Variants in DEDD observed in about 807,000 individuals in gnomAD.
DEDD encodes the protein death effector domain-containing protein.
DEDD carries 3 observed loss-of-function variants against 29.2 expected under a neutral mutation model. The ratio of observed to expected loss-of-function variants is 0.10; its 90% CI spans 0.05 to 0.27. DEDD has a LOEUF of 0.27. Among genes scored for constraint, DEDD ranks in the 10% least tolerant of loss-of-function variants. The probability of loss-of-function intolerance (pLI) is 1.00; values close to 1 mark genes in which losing one functional copy is unlikely to be tolerated. For missense variants in DEDD, 261 were observed against 420.5 expected (o/e 0.62, Z 3.32); for synonymous variants, 152 against 161.3 (o/e 0.94, Z 0.44).
chr1:161,126,968 A>G (rs1656244771), intron 2 of DEDD, among the ~76,000 whole-genome samples: 2 of 152,276 alleles, frequency 1.3e-5, no homozygotes, highest in South Asian at 4.1e-4. Context: ...CTGTGCGCTT[A>G]TGGAACACTA....
intron 2 of DEDD, among the ~76,000 whole-genome samples, chr1:161,130,208 A>T (rs1656552316): frequency 6.6e-6 from 1 of 152,238 alleles, no homozygotes; most frequent in Non-Finnish European, 1.5e-5. Context: ...GAATTAAGAG[A>T]TATCTGACTC....
At chr1:161,130,209 T>G (rs776743420) in intron 2 of DEDD, among the ~76,000 whole-genome samples, 7 of 152,196 alleles carry the variant, frequency 4.6e-5, no homozygotes, top group African/African-American at 1.2e-4. Flanking sequence ...AATTAAGAGA[T>G]ATCTGACTCT....
intron 1 of DEDD, among the ~76,000 whole-genome samples, chr1:161,131,369 T>C (rs1162845563): frequency 6.6e-6 from 1 of 152,088 alleles, no homozygotes; most frequent in Non-Finnish European, 1.5e-5. Context: ...CAGGGAAAAG[T>C]TTTTCTACAT....
In DEDD at chr1:161,126,343, C is replaced by CTT. The variant is rs538174697; in HGVS notation, c.-64-1819_-64-1818dup. Among the ~76,000 whole-genome samples, 491 of 132,494 alleles carry CTT rather than the reference C, an allele frequency of 3.7e-3. 8 individuals carry two copies. Among genetic ancestry groups the CTT allele is most frequent in the African/African-American group, 0.012 (406 of 35,082 alleles). The allele number at this position is 132,494 out of a possible 152,430, so 86.9% of individuals were successfully genotyped here. A position where few individuals can be genotyped will look rare whatever the true frequency, so the allele number is the denominator to read the frequency against. On this transcript the variant is annotated intron_variant, in intron 2 of 5. Transcript: ENST00000368006. Reference sequence around the variant, plus strand: ...GTTATCTATAAGAACACTCCAAACTCTTTTTTTTTTTTTTTTTTTTGAGAC... The same window carrying CTT: ...GTTATCTATAAGAACACTCCAAACTCTTTTTTTTTTTTTTTTTTTTTTGAGAC...
intron 2 of DEDD, 126 bp from the exon 3 acceptor site, chr1:161,124,652 T>C: frequency 8.0e-7 from 1 of 1,254,806 alleles, no homozygotes; most frequent in Non-Finnish European, 1.0e-6. Context: ...TATTAAATTT[T>C]TGAAGTGTTT....
chr1:161,122,636 G>C lies in DEDD; in HGVS notation c.581-113C>G. On this transcript the variant is annotated intron_variant, in intron 5 of 5. Transcript: ENST00000368006. The surrounding 1 kb of genome is among the most constrained non-coding windows in gnomAD (Gnocchi z 4.2). ...AATAAAAAAGTAGGGAATATCACCTGACAGCTTCTCTACCTCTTCCCCAGG... is the reference window on the plus strand; with the variant it reads ...AATAAAAAAGTAGGGAATATCACCTCACAGCTTCTCTACCTCTTCCCCAGG... 1.5e-6 allele frequency: 2 copies of C among 1,329,256 alleles called. No homozygotes were observed. The highest frequency in any genetic ancestry group is 2.0e-6 in the Non-Finnish European group (2 of 977,190). The allele number at this position is 1,329,256 out of a possible 1,614,324, so 82.3% of individuals were successfully genotyped here.
chr1:161,127,432 G>A (rs1656289344), intron 2 of DEDD, among the ~76,000 whole-genome samples: 1 of 152,216 alleles, frequency 6.6e-6, no homozygotes, highest in African/African-American at 2.4e-5. Flanking sequence ...AAACAAAGCT[G>A]ATAGAGAAAG....
Position 161,124,294 on chromosome 1 carries a change from CGTG to C in DEDD, c.166_168del (p.His56del). On this transcript the variant is annotated inframe_deletion, in exon 3 of 6. Coordinates refer to ENST00000368006, the MANE Select transcript of DEDD (RefSeq NM_032998.3). ...CGTCCATTTCGGATGAGTCCACGCT[CGTG>C]GTCATCAATGACATCAACAAAGAGG... The C allele has an allele frequency of 6.2e-7, 1 of 1,614,214 alleles. No individual in the cohort carries two copies. The highest frequency in any genetic ancestry group is 8.5e-7 in the Non-Finnish European group (1 of 1,180,038).
chr1:161,131,811 T>G (rs1039091472), intron 1 of DEDD, among the ~76,000 whole-genome samples: 3 of 152,028 alleles, frequency 2.0e-5, no homozygotes, highest in Non-Finnish European at 4.4e-5. Context: ...TGATGCTGCT[T>G]AACTCTGTTC....
intron 4 of DEDD, among the ~76,000 whole-genome samples, chr1:161,123,435 C>A (rs926314668): frequency 7.9e-5 from 12 of 151,970 alleles, no homozygotes; most frequent in Admixed American, 3.3e-4. Context: ...GTCAGGAGAT[C>A]GAGACCATCC....
intron 2 of DEDD, among the ~76,000 whole-genome samples, chr1:161,125,649 GCAC>G (rs914668597): frequency 2.0e-5 from 3 of 151,982 alleles, no homozygotes; most frequent in African/African-American, 7.3e-5. Context: ...TTACAGGCAC[GCAC>G]CACCACGTCT....
chr1:161,122,536 G>T lies in DEDD; in HGVS notation c.581-13C>A, dbSNP rs1257671215. 6.2e-7 allele frequency: 1 copy of T among 1,611,528 alleles called. No individual in the cohort carries two copies. The highest frequency in any genetic ancestry group is 1.3e-5 in the African/African-American group (1 of 74,978). ...CGCAGTCTGATGTCTGTTGGAAACA[G>T]AAGATACAGAGCAGAAGAGGTTACA... On this transcript the variant is annotated splice_polypyrimidine_tract_variant and intron_variant, in intron 5 of 5. Transcript: ENST00000368006. This position sits in a 1 kb window ranked among gnomAD's most constrained non-coding sequence, Gnocchi z 4.2.
At chr1:161,126,730 T>C (rs1264168786) in intron 2 of DEDD, among the ~76,000 whole-genome samples, 2 of 152,154 alleles carry the variant, frequency 1.3e-5, no homozygotes, top group African/African-American at 4.8e-5. Flanking sequence ...CCGCTTTTTA[T>C]TCTCTAACAT....
intron 2 of DEDD, chr1:161,125,481 G>C (rs536087881): frequency 6.6e-6 from 1 of 152,068 alleles, no homozygotes; most frequent in South Asian, 2.1e-4. Flanking sequence ...GTACTCCCTT[G>C]ATCTTCACCC....
Position 161,122,439 on chromosome 1 carries a change from A to G in DEDD, c.665T>C (p.Leu222Pro). ...GNVFSNKQDP[L>P]ERQFERFNQA... ...GTTAAAGCGCTCAAACTGGCGCTCA[A>G]GTGGGTCCTGCTTGTTAGAGAAGAC... Residue 222 changes from leucine to proline, a missense_variant, in exon 6 of 6, where the codon CTT becomes CCT. Physicochemically the swap from Leu to Pro is moderately conservative, Grantham distance 98. Coordinates refer to ENST00000368006, the MANE Select transcript of DEDD (RefSeq NM_032998.3). The surrounding 1 kb of genome is among the most constrained non-coding windows in gnomAD (Gnocchi z 4.2). The G allele has an allele frequency of 6.2e-7, 1 of 1,614,222 alleles. No homozygotes were observed. The highest frequency in any genetic ancestry group is 8.5e-7 in the Non-Finnish European group (1 of 1,180,034).
intron 2 of DEDD, among the ~76,000 whole-genome samples, chr1:161,127,387 ACT>A (rs1177661432): frequency 7.2e-5 from 11 of 152,238 alleles, no homozygotes; most frequent in Admixed American, 7.2e-4. Flanking sequence ...CTGAGGCTAG[ACT>A]AGGAAACAAT....
chr1:161,125,620 G>A (rs1452838255), intron 2 of DEDD, among the ~76,000 whole-genome samples: 1 of 152,086 alleles, frequency 6.6e-6, no homozygotes, highest in Non-Finnish European at 1.5e-5. Context: ...TCGTGCCTCA[G>A]CCTCCCAAGT....
Position 161,132,563 on chromosome 1 carries a change from C to G in DEDD, c.-110G>C, listed in dbSNP as rs886095553. 1 of 154,642 alleles carries G rather than the reference C, an allele frequency of 6.5e-6. No homozygotes were observed. The highest frequency in any genetic ancestry group is 2.4e-5 in the African/African-American group (1 of 41,444). The allele number at this position is 154,642 out of a possible 1,614,324, so 9.6% of individuals were successfully genotyped here. ...CCCTCCGCCTCACTCTCGGCTCAGG[C>G]TCGGCGCCGCCATGTTGGATCCATC... On this transcript the variant is annotated 5_prime_UTR_variant, in exon 1 of 6. Transcript: ENST00000368006.
In DEDD at chr1:161,122,019, T is replaced by G; in HGVS notation, c.*128A>C. 8.0e-7 allele frequency: 1 copy of G among 1,256,404 alleles called. No individual in the cohort carries two copies. 77.8% of individuals were successfully genotyped at this position (1,256,404 alleles called of 1,614,324 possible). On this transcript the variant is annotated 3_prime_UTR_variant, in exon 6 of 6. Coordinates refer to ENST00000368006, the MANE Select transcript of DEDD (RefSeq NM_032998.3). The surrounding 1 kb of genome is among the most constrained non-coding windows in gnomAD (Gnocchi z 4.2). ...ACCACTTCCACTTTCTTTTGTCTTT[T>G]TCTTTAAAAAAAAAAAAAAAAAGGC...
Sources: gnomAD v4.1 joint callset for allele counts (sites outside exome capture counted in the v4.1 genomes callset) on GRCh38, gnomAD v4.1.1 for gene constraint, Gnocchi (gnomAD v3.1) non-coding constraint, MANE v1.5 for transcripts, NCBI Gene and HGNC (gene_info 2026-07-23, HGNC 2026-07-21) for gene names.